YKT6: variants seen among roughly 807,000 people sequenced by gnomAD.
YKT6 encodes the protein YKT6 vesicular SNARE protein, also known as synaptobrevin homolog YKT6.
A neutral mutation model predicts 29.3 loss-of-function variants in YKT6; 12 were observed. The observed-to-expected ratio is 0.41, with a 90% CI of 0.26 to 0.66. The LOEUF is 0.66. YKT6 is among the 30% of genes least tolerant of loss of function. The probability of loss-of-function intolerance (pLI) is 0.32; values close to 1 mark genes in which losing one functional copy is unlikely to be tolerated. For synonymous variants in YKT6, 86 were observed against 94.3 expected (o/e 0.91, Z 0.51); for missense variants, 188 against 243.8 (o/e 0.77, Z 1.52).
chr7:44,203,146 T>C (rs1393560371), intron 1 of YKT6, among the ~76,000 whole-genome samples: 7 of 152,286 alleles, frequency 4.6e-5, no homozygotes, highest in African/African-American at 1.7e-4. Context: ...CAGGCTGGAG[T>C]GCAGTGGCAC....
In YKT6 at chr7:44,204,628, T is replaced by C. The variant is rs2096339046; in HGVS notation, c.165T>C (p.Thr55=). 1.2e-6 allele frequency: 2 copies of C among 1,614,234 alleles called. No individual in the cohort carries two copies. The highest frequency in any genetic ancestry group is 1.3e-5 in the African/African-American group (1 of 75,072). Residue 55 remains threonine (T), a synonymous_variant, in exon 2 of 7, where the codon ACT becomes ACC. Coordinates refer to ENST00000223369, the MANE Select transcript of YKT6 (RefSeq NM_006555.4). ...TTGTGGAGCGCTCATCGAAAGGCAC[T>C]AGAGCTTCTGTCAAAGAACAAGGTA... ...QLIVERSSKG[T]RASVKEQDYL... is the part of the protein sequence containing the mutation.
chr7:44,201,120 C>A lies in YKT6; in HGVS notation c.-16C>A. ...TCCCGCAGCTGGGCAGGCGGGCGGC[C>A]TGAGGGCGCGGAGCCATGAAGCTGT... On this transcript the variant is annotated 5_prime_UTR_variant, in exon 1 of 7. In the 5' UTR this introduces an upstream ATG that the reference lacks. Coordinates refer to ENST00000223369, the MANE Select transcript of YKT6 (RefSeq NM_006555.4). 2.6e-6 allele frequency: 4 copies of A among 1,564,456 alleles called. No homozygotes were observed. The highest frequency in any genetic ancestry group is 1.4e-5 in the African/African-American group (1 of 71,130).
chr7:44,208,238 G>A (rs770058286), intron 5 of YKT6, 40 bp downstream of exon 5: 53 of 1,608,062 alleles, frequency 3.3e-5, no homozygotes, highest in Middle Eastern at 1.7e-4. Context: ...GAACTGAGGC[G>A]GGGGTGCGAT....
intron 1 of YKT6, 94 bp from the exon 2 acceptor site, chr7:44,204,474 T>C (rs1047240014): frequency 1.7e-6 from 2 of 1,173,936 alleles, no homozygotes; most frequent in African/African-American, 1.5e-5. Context: ...CAAGAAGCAA[T>C]GTCTACTTAA....
intron 3 of YKT6, 97 bp from the exon 4 acceptor site, chr7:44,207,291 C>T (rs1279658876): frequency 1.0e-6 from 1 of 970,060 alleles, no homozygotes. Context: ...GGCCAAGGAG[C>T]CTCATTCAGG....
At chr7:44,208,237 C>A in intron 5 of YKT6, 39 bp downstream of exon 5, 2 of 1,607,964 alleles carry the variant, frequency 1.2e-6, no homozygotes, top group Non-Finnish European at 1.7e-6. Flanking sequence ...AGAACTGAGG[C>A]GGGGGTGCGA....
At chr7:44,209,551 C>T (rs1028126693) in intron 5 of YKT6, among the ~76,000 whole-genome samples, 9 of 152,192 alleles carry the variant, frequency 5.9e-5, no homozygotes, top group African/African-American at 1.9e-4. Flanking sequence ...TCCTATTCAC[C>T]CAGCCTCATC....
chr7:44,207,323 C>T, intron 3 of YKT6, 65 bp from the exon 4 acceptor site: 2 of 1,434,156 alleles, frequency 1.4e-6, no homozygotes, highest in Admixed American at 3.5e-5. Flanking sequence ...AGGGGTGAAG[C>T]CCTGTCATTG....
intron 1 of YKT6, 94 bp from the exon 2 acceptor site, chr7:44,204,474 T>A: frequency 8.5e-7 from 1 of 1,174,054 alleles, no homozygotes; most frequent in Admixed American, 2.1e-5. Flanking sequence ...CAAGAAGCAA[T>A]GTCTACTTAA....
chr7:44,205,412 C>T (rs1002360416), intron 2 of YKT6, among the ~76,000 whole-genome samples: 2 of 152,220 alleles, frequency 1.3e-5, no homozygotes, highest in African/African-American at 4.8e-5. Context: ...TGCACTTTGA[C>T]CCCATGTTTG....
At chr7:44,210,355 T>C (rs943917134) in intron 5 of YKT6, among the ~76,000 whole-genome samples, 1 of 152,280 alleles carries the variant, frequency 6.6e-6, no homozygotes, top group Non-Finnish European at 1.5e-5. Flanking sequence ...CTGGCCATCC[T>C]TGGCATTCCT....
chr7:44,204,448 G>C, intron 1 of YKT6, 120 bp from the exon 2 acceptor site: 4 of 813,702 alleles, frequency 4.9e-6, no homozygotes, highest in Middle Eastern at 2.3e-4. Context: ...AGGGATGGGA[G>C]GGAAAGGAAT....
intron 1 of YKT6, 64 bp downstream of exon 1, chr7:44,201,303 T>G: frequency 8.1e-7 from 1 of 1,235,804 alleles, no homozygotes; most frequent in Non-Finnish European, 1.1e-6. Context: ...GGGGTCCGAG[T>G]CGGAGTGGGC....
intron 1 of YKT6, among the ~76,000 whole-genome samples, chr7:44,202,690 C>T (rs896464957): frequency 6.6e-6 from 1 of 152,192 alleles, no homozygotes; most frequent in African/African-American, 2.4e-5. Context: ...GGGTTGCTTC[C>T]ACATTTCAGC....
At chr7:44,206,754 G>A (rs186989842) in intron 3 of YKT6, among the ~76,000 whole-genome samples, 2 of 152,242 alleles carry the variant, frequency 1.3e-5, no homozygotes, top group East Asian at 1.9e-4. Context: ...GGAGACAGCT[G>A]TGCCTTGTGT....
At chr7:44,210,855 C>T (rs761308846) in intron 5 of YKT6, 168 bp from the exon 6 acceptor site, 11 of 687,252 alleles carry the variant, frequency 1.6e-5, no homozygotes, top group Non-Finnish European at 2.9e-5. Flanking sequence ...CTGTTCCATC[C>T]ACTTGGACAG....
chr7:44,212,142 T>C, intron 6 of YKT6, 105 bp from the exon 7 acceptor site: 1 of 1,385,276 alleles, frequency 7.2e-7, no homozygotes, highest in Non-Finnish European at 1.0e-6. Context: ...CTAGTTTCTC[T>C]GCCTGGCTGT....
At chr7:44,210,874 C>G (rs2096346036) in intron 5 of YKT6, 149 bp from the exon 6 acceptor site, 1 of 733,162 alleles carries the variant, frequency 1.4e-6, no homozygotes, top group Non-Finnish European at 2.4e-6. Context: ...AGTAACTATT[C>G]TTGGACCGAG....
intron 5 of YKT6, 195 bp downstream of exon 5, chr7:44,208,393 C>G: frequency 1.8e-6 from 1 of 563,992 alleles, no homozygotes; most frequent in Non-Finnish European, 3.1e-6. Context: ...GTTAATGGCA[C>G]CCATTGTTTC....
Sources: gnomAD v4.1 joint callset for allele counts (sites outside exome capture counted in the v4.1 genomes callset) on GRCh38, gnomAD v4.1.1 for gene constraint, MANE v1.5 for transcripts, NCBI Gene and HGNC (gene_info 2026-07-23, HGNC 2026-07-21) for gene names.